The following ADAMTS17 variants were observed in gnomAD, a reference collection of about 807,000 sequenced individuals.
ADAMTS17 encodes A disintegrin and metalloproteinase with thrombospondin motifs 17.
Under a neutral mutation model 141.5 loss-of-function variants are expected in ADAMTS17, and 113 were observed. That is an observed-to-expected ratio of 0.80 (90% CI 0.69 to 0.93). The LOEUF is 0.93. Among genes scored for constraint, ADAMTS17 ranks in the 40% least tolerant of loss-of-function variants. The probability of loss-of-function intolerance (pLI) is 0.00; values close to 1 mark genes in which losing one functional copy is unlikely to be tolerated. For synonymous variants in ADAMTS17, 768 were observed against 630.6 expected, an observed-to-expected ratio of 1.22 and a Z score of -3.27; for missense variants, 1,659 against 1,517.9, an observed-to-expected ratio of 1.09 and a Z score of -1.54.
intron 4 of ADAMTS17, among the ~76,000 whole-genome samples, chr15:100,263,254 T>A (rs1596389905): frequency 6.6e-6 from 1 of 152,008 alleles, no homozygotes; most frequent in East Asian, 1.9e-4. Flanking sequence ...AAGGCTGGCA[T>A]CTCCACTACT....
intron 18 of ADAMTS17, among the ~76,000 whole-genome samples, chr15:100,019,145 C>T (rs1008273172): frequency 2.0e-5 from 3 of 152,156 alleles, no homozygotes; most frequent in African/African-American, 2.4e-5. Context: ...AGCAGCAACA[C>T]GGCGAGTTCC....
At chr15:100,124,617 T>C (rs2037628458) in intron 12 of ADAMTS17, among the ~76,000 whole-genome samples, 1 of 152,224 alleles carries the variant, frequency 6.6e-6, no homozygotes, top group Non-Finnish European at 1.5e-5. Context: ...CCTCCTACTG[T>C]ACTGACATAT....
intron 7 of ADAMTS17, among the ~76,000 whole-genome samples, chr15:100,230,796 C>G (rs1370405890): frequency 6.6e-6 from 1 of 152,216 alleles, no homozygotes; most frequent in Non-Finnish European, 1.5e-5. Flanking sequence ...TTTAAACACA[C>G]ACACACCTAG....
chr15:100,204,517 G>A (rs2041458152), intron 7 of ADAMTS17, among the ~76,000 whole-genome samples: 1 of 152,206 alleles, frequency 6.6e-6, no homozygotes, highest in Non-Finnish European at 1.5e-5. Context: ...TGATCTGAAT[G>A]GCTGAACAGC....
In ADAMTS17 at chr15:100,271,879, T is replaced by C. The variant is rs138262048; in HGVS notation, c.789+9350A>G. On this transcript the variant is annotated intron_variant, in intron 4 of 21. Coordinates refer to ENST00000268070, the MANE Select transcript of ADAMTS17 (RefSeq NM_139057.4). ...CTCTTCTGTTTAGGACTTTGATCCA[T>C]TTTGAGTTAATTTTTGTATGTTAGG... Among the ~76,000 whole-genome samples the C allele has an allele frequency of 1.3e-3, 197 of 152,322 alleles. 1 individual carries two copies. The highest frequency in any genetic ancestry group is 4.1e-3 in the African/African-American group (170 of 41,580).
chr15:100,133,452 C>T, intron 10 of ADAMTS17, 137 bp from the exon 11 acceptor site: 1 of 778,330 alleles, frequency 1.3e-6, no homozygotes, highest in South Asian at 1.5e-5. Flanking sequence ...GGTCATAAGT[C>T]TGTATGTCCA....
intron 18 of ADAMTS17, among the ~76,000 whole-genome samples, chr15:100,002,458 G>T (rs751298677): frequency 5.3e-5 from 8 of 151,986 alleles, no homozygotes; most frequent in Non-Finnish European, 1.2e-4. Flanking sequence ...GACGTGAGCA[G>T]CGACTCTGGT....
rs2039380194 is a variant in ADAMTS17 at position 100,155,293 on chromosome 15, G to C, written c.1209C>G (p.His403Gln). The part of the protein sequence containing the change: ...HNLGMNHDDD[H>Q]SSCAGRSHIM... Reference sequence around the variant, plus strand: ...TGTGGGACCTGCCAGCGCAAGATGAGTGGTCATCGTCGTGGTTCATGCCCA... The same window carrying C: ...TGTGGGACCTGCCAGCGCAAGATGACTGGTCATCGTCGTGGTTCATGCCCA... Residue 403 changes from histidine (H) to glutamine (Q), a missense_variant, in exon 9 of 22, where the codon CAC becomes CAG. Transcript: ENST00000268070. 6.2e-7 allele frequency: 1 copy of C among 1,614,012 alleles called. No homozygotes were observed.
At chr15:100,321,851 T>C (rs533070485) in intron 3 of ADAMTS17, among the ~76,000 whole-genome samples, 43 of 152,356 alleles carry the variant, frequency 2.8e-4, no homozygotes, top group Non-Finnish European at 5.3e-4. Context: ...AATGGGCATA[T>C]AGAACACAAC....
intron 7 of ADAMTS17, among the ~76,000 whole-genome samples, chr15:100,233,093 C>T (rs778832562): frequency 6.6e-6 from 1 of 152,134 alleles, no homozygotes; most frequent in African/African-American, 2.4e-5. Flanking sequence ...CTTTGGGAGG[C>T]TAAGGATGGT....
chr15:100,289,539 TACACACACTCAC>T (rs1314249695), intron 3 of ADAMTS17, among the ~76,000 whole-genome samples: 1 of 131,026 alleles, frequency 7.6e-6, no homozygotes, highest in Admixed American at 7.6e-5. Flanking sequence ...CATACACACA[TACACACACTCAC>T]ACACACACAC....
chr15:100,304,162 G>A (rs895376559), intron 3 of ADAMTS17, among the ~76,000 whole-genome samples: 1 of 152,114 alleles, frequency 6.6e-6, no homozygotes, highest in Non-Finnish European at 1.5e-5. Context: ...GAACCTCTCA[G>A]GTAGCTAAAA....
At chr15:100,106,104 C>A (rs2036400089) in intron 14 of ADAMTS17, among the ~76,000 whole-genome samples, 1 of 152,120 alleles carries the variant, frequency 6.6e-6, no homozygotes, top group South Asian at 2.1e-4. Flanking sequence ...TCAAGTGATC[C>A]TCCCACCTCA....
intron 18 of ADAMTS17, among the ~76,000 whole-genome samples, chr15:100,027,556 CCTGT>C (rs1334437524): frequency 1.3e-5 from 2 of 152,320 alleles, no homozygotes; most frequent in African/African-American, 2.4e-5. Context: ...AGAATACAGC[CCTGT>C]CTATTTGTCT....
chr15:100,134,737 A>C (rs1379689456), intron 10 of ADAMTS17, among the ~76,000 whole-genome samples: 2 of 152,186 alleles, frequency 1.3e-5, no homozygotes, highest in East Asian at 1.9e-4. Flanking sequence ...TTTTAAAGAG[A>C]GCTAAGAAAA....
At chr15:100,277,766 T>C (rs1331335627) in intron 4 of ADAMTS17, among the ~76,000 whole-genome samples, 1 of 152,192 alleles carries the variant, frequency 6.6e-6, no homozygotes, top group African/African-American at 2.4e-5. Flanking sequence ...CCATCAAAAG[T>C]TAAGCAATTC....
chr15:100,227,405 A>G (rs1209777998), intron 7 of ADAMTS17, among the ~76,000 whole-genome samples: 1 of 152,194 alleles, frequency 6.6e-6, no homozygotes, highest in Non-Finnish European at 1.5e-5. Context: ...AGTCATGTCA[A>G]TATGGAGATC....
At chr15:100,143,667 AGACAGAC>A (rs2038763635) in intron 10 of ADAMTS17, among the ~76,000 whole-genome samples, 1 of 152,226 alleles carries the variant, frequency 6.6e-6, no homozygotes, top group Non-Finnish European at 1.5e-5. Context: ...AGCATTCTGC[AGACAGAC>A]ATTCAGTGGT....
intron 18 of ADAMTS17, among the ~76,000 whole-genome samples, chr15:100,038,964 T>C (rs1032062295): frequency 2.6e-5 from 4 of 152,262 alleles, no homozygotes; most frequent in Non-Finnish European, 4.4e-5. Context: ...GCAGATGCTC[T>C]TTATTCGGTT....
Sources: allele counts gnomAD v4.1 joint callset (sites outside exome capture counted in the v4.1 genomes callset), GRCh38; gene constraint gnomAD v4.1.1; transcripts MANE v1.5; gene names NCBI Gene and HGNC (gene_info 2026-07-23, HGNC 2026-07-21).